The following TG variants were observed in gnomAD, a reference collection of about 807,000 sequenced individuals.
The protein encoded by TG is thyroglobulin.
TG carries 270 observed loss-of-function variants against 324.7 expected under a neutral mutation model. That is an observed-to-expected ratio of 0.83 (90% CI 0.75 to 0.92). The LOEUF (loss-of-function observed/expected upper bound fraction) is 0.92. TG is among the 40% of genes least tolerant of loss of function. The pLI, the probability that TG is intolerant of heterozygous loss-of-function variation, is 0.00. For synonymous variants in TG, 1,401 were observed against 1,327.0 expected (o/e 1.06, Z -1.21); for missense variants, 3,591 against 3,456.4 (o/e 1.04, Z -0.98).
intron 34 of TG, among the ~76,000 whole-genome samples, chr8:132,976,879 G>A: frequency 6.6e-6 from 1 of 152,088 alleles, no homozygotes; most frequent in Admixed American, 6.5e-5. Context: ...GTGGGTGGTG[G>A]GATAAGTCTT....
Position 132,867,009 on chromosome 8 carries a change from G to C in TG, c.9G>C (p.Leu3=). 1 of 1,596,640 alleles carries C rather than the reference G, an allele frequency of 6.3e-7. No homozygotes were observed. Among genetic ancestry groups the C allele is most frequent in the South Asian group, 1.1e-5 (1 of 88,306 alleles). The change falls in exon 1 of 48, where the codon CTG becomes CTC. Residue 3 remains leucine, a synonymous_variant. Transcript: ENST00000220616. MA[L]VLEIFTLLAS... ...CAGGAAGGGCCAGGAAAATGGCCCT[G>C]GTCCTGGAGATCTTCACCCTGCTGG...
At chr8:133,092,090 G>T (rs1463263903) in intron 41 of TG, among the ~76,000 whole-genome samples, 18 of 152,150 alleles carry the variant, frequency 1.2e-4, no homozygotes, top group Non-Finnish European at 1.5e-5. Flanking sequence ...CCAGCCAGTG[G>T]CTCACTCTGA....
At position 132,882,905 on chromosome 8, in the gene TG, G is replaced by C; in HGVS notation, c.981G>C (p.Ala327=). The change falls in exon 8 of 48, where the codon GCG becomes GCC. Residue 327 remains alanine (A), a synonymous_variant. Coordinates refer to ENST00000220616, the MANE Select transcript of TG (RefSeq NM_003235.5). The part of the protein sequence containing the change: ...PSCRRNGDYQ[A]VQCQTEGPCW... ...GCCGCCGAAATGGCGACTATCAGGC[G>C]GTGCAGTGCCAGACGGAAGGGCCCT... 6.2e-7 allele frequency: 1 copy of C among 1,614,186 alleles called. No homozygotes were observed. Among genetic ancestry groups the C allele is most frequent in the Non-Finnish European group, 8.5e-7 (1 of 1,180,026 alleles).
intron 44 of TG, 81 bp downstream of exon 44, chr8:133,113,684 G>A: frequency 6.7e-7 from 1 of 1,498,516 alleles, no homozygotes; most frequent in Non-Finnish European, 9.1e-7. Flanking sequence ...TCATGAATGA[G>A]AAATAAAGGC....
intron 35 of TG, chr8:132,983,746 A>C (rs893727077): frequency 2.4e-6 from 1 of 412,636 alleles, no homozygotes; most frequent in Non-Finnish European, 4.5e-6. Flanking sequence ...ATCCGGAGGC[A>C]ATGTCAAGAA....
intron 35 of TG, chr8:132,983,706 G>A (rs759600999): frequency 6.9e-5 from 34 of 495,076 alleles, no homozygotes; most frequent in African/African-American, 1.4e-4. Context: ...GGATTATTTC[G>A]CCCTATCGAG....
intron 18 of TG, among the ~76,000 whole-genome samples, chr8:132,910,465 T>C (rs1434500589): frequency 1.3e-5 from 2 of 152,196 alleles, no homozygotes; most frequent in African/African-American, 4.8e-5. Context: ...TTTGCCATCA[T>C]CTGAATGCTT....
At chr8:132,867,978 T>A (rs769873718) in intron 1 of TG, 137 bp from the exon 2 acceptor site, 1 of 752,606 alleles carries the variant, frequency 1.3e-6, no homozygotes, top group Non-Finnish European at 2.3e-6. Context: ...AAAGTGTGCT[T>A]AGCTGCCAAA....
At position 132,983,411 on chromosome 8, in the gene TG, A is replaced by G. The variant is rs768699128; in HGVS notation, c.6261A>G (p.Lys2087=). 1.9e-6 allele frequency: 3 copies of G among 1,613,722 alleles called. No individual in the cohort carries two copies. Among genetic ancestry groups the G allele is most frequent in the Non-Finnish European group, 2.5e-6 (3 of 1,179,626 alleles). Residue 2087 remains lysine, a splice_region_variant and synonymous_variant, in exon 35 of 48, where the codon AAA becomes AAG. Transcript: ENST00000220616. ...TTGTTCTGCCTTCCCTCACAGAGAA[A>G]GGTAAGTTCATTGTCTTTTTATCTC... ...PLVVLPSLTE[K]VSLDSWQSLA...
chr8:132,881,719 AG>A, intron 5 of TG, 143 bp from the exon 6 acceptor site: 1 of 709,166 alleles, frequency 1.4e-6, no homozygotes, highest in Non-Finnish European at 2.6e-6. Context: ...CATTTACTGC[AG>A]GAAGCATGAA....
chr8:133,050,393 T>A (rs749040144), intron 41 of TG: 2 of 275,508 alleles, frequency 7.3e-6, no homozygotes, highest in Non-Finnish European at 7.0e-6. Flanking sequence ...TGTCATGTTC[T>A]ATAGCCCATA....
intron 41 of TG, among the ~76,000 whole-genome samples, chr8:133,043,541 G>A (rs1485548197): frequency 6.6e-6 from 1 of 152,156 alleles, no homozygotes; most frequent in Non-Finnish European, 1.5e-5. Flanking sequence ...CTACATGAAC[G>A]ATTGTGTTTA....
At chr8:133,062,388 C>T (rs1842489256) in intron 41 of TG, among the ~76,000 whole-genome samples, 3 of 152,226 alleles carry the variant, frequency 2.0e-5, no homozygotes, top group Admixed American at 2.0e-4. Context: ...AAATGTGCTT[C>T]CCCAAAATGC....
At chr8:132,966,050 A>T (rs1000901707) in intron 29 of TG, among the ~76,000 whole-genome samples, 1 of 152,234 alleles carries the variant, frequency 6.6e-6, no homozygotes, top group African/African-American at 2.4e-5. Flanking sequence ...TTTGTAGATG[A>T]AGACTACCAT....
At chr8:133,051,832 A>G (rs192473490) in intron 41 of TG, among the ~76,000 whole-genome samples, 1 of 152,354 alleles carries the variant, frequency 6.6e-6, no homozygotes, top group Non-Finnish European at 1.5e-5. Flanking sequence ...ATTATTTGCT[A>G]TGACTTTCAT....
intron 34 of TG, among the ~76,000 whole-genome samples, chr8:132,974,035 C>T (rs907641627): frequency 6.8e-6 from 1 of 147,828 alleles, no homozygotes; most frequent in Non-Finnish European, 1.5e-5. Flanking sequence ...CTCTTGTCAC[C>T]CGGGCTGGAG....
intron 13 of TG, 61 bp from the exon 14 acceptor site, chr8:132,898,737 G>T (rs1563927180): frequency 4.7e-6 from 7 of 1,490,022 alleles, no homozygotes; most frequent in Admixed American, 1.7e-5. Context: ...GTCAGCCTGG[G>T]ATCCCCTCTT....
chr8:133,041,244 G>A (rs1239331980), intron 41 of TG, among the ~76,000 whole-genome samples: 1 of 152,220 alleles, frequency 6.6e-6, no homozygotes, highest in Admixed American at 6.5e-5. Context: ...TCGACAGCAC[G>A]TCACACCTCT....
At position 132,887,193 on chromosome 8, in the gene TG, C is replaced by T. The variant is rs61742713; in HGVS notation, c.1821C>T (p.Thr607=). The T allele has an allele frequency of 3.4e-3, 5,485 of 1,613,310 alleles. 169 individuals carry two copies. The African/African-American group carries it at 0.065, about 19-fold the overall frequency. The change falls in exon 9 of 48, where the codon ACC becomes ACT. Residue 607 remains threonine, a synonymous_variant. Coordinates refer to ENST00000220616, the MANE Select transcript of TG (RefSeq NM_003235.5). The part of the protein sequence containing the change: ...DVMETVLSSQ[T]CEQTPERLFV... ...TGGAAACGGTACTCAGCTCCCAGAC[C>T]TGTGAGCAGACACCTGAAAGGCTAT... is the stretch of plus-strand genomic sequence containing the variant.
Sources: gnomAD v4.1 joint callset for allele counts (sites outside exome capture counted in the v4.1 genomes callset) on GRCh38, gnomAD v4.1.1 for gene constraint, MANE v1.5 for transcripts, NCBI Gene and HGNC (gene_info 2026-07-23, HGNC 2026-07-21) for gene names.